Variants in SUFU observed in about 807,000 individuals in gnomAD.
SUFU encodes SUFU negative regulator of hedgehog signaling, also known as suppressor of fused homolog.
A neutral mutation model predicts 58.9 loss-of-function variants in SUFU; 7 were observed. The ratio of observed to expected loss-of-function variants is 0.12; its 90% CI spans 0.07 to 0.22. The LOEUF (loss-of-function observed/expected upper bound fraction) is 0.22. SUFU is among the 10% of genes least tolerant of loss of function. The probability of loss-of-function intolerance (pLI) is 1.00; values close to 1 mark genes in which losing one functional copy is unlikely to be tolerated. For missense variants in SUFU, 451 were observed against 641.3 expected (o/e 0.70, Z 3.20); for synonymous variants, 232 against 254.8 (o/e 0.91, Z 0.85).
intron 3 of SUFU, among the ~76,000 whole-genome samples, chr10:102,551,811 G>A (rs1015077029): frequency 8.9e-5 from 11 of 124,172 alleles, no homozygotes; most frequent in African/African-American, 2.4e-4. Context: ...TACAAGCTCC[G>A]CCTTCTGGGT....
chr10:102,549,166 G>A (rs2062884278), intron 2 of SUFU, among the ~76,000 whole-genome samples: 3 of 152,158 alleles, frequency 2.0e-5, no homozygotes, highest in Admixed American at 2.0e-4. Context: ...TGGAGAAAGG[G>A]TCTCATCCTC....
At chr10:102,615,852 T>TGGTC (rs2063681310) in intron 9 of SUFU, among the ~76,000 whole-genome samples, 2 of 152,174 alleles carry the variant, frequency 1.3e-5, no homozygotes, top group African/African-American at 4.8e-5. Flanking sequence ...AGAGCCCCAC[T>TGGTC]GGTCTCCTAT....
At chr10:102,583,661 C>CT (rs1007305556) in intron 3 of SUFU, among the ~76,000 whole-genome samples, 4 of 152,144 alleles carry the variant, frequency 2.6e-5, no homozygotes, top group Non-Finnish European at 5.9e-5. Context: ...TGTTTCCAGC[C>CT]TAAATAAATC....
At chr10:102,601,474 G>T (rs2063514685) in intron 8 of SUFU, among the ~76,000 whole-genome samples, 1 of 152,160 alleles carries the variant, frequency 6.6e-6, no homozygotes, top group African/African-American at 2.4e-5. Flanking sequence ...GAGGTGCCGG[G>T]GTTGTCTCCC....
chr10:102,545,937 G>A (rs1474470002), intron 2 of SUFU, among the ~76,000 whole-genome samples: 2 of 152,192 alleles, frequency 1.3e-5, no homozygotes, highest in Admixed American at 1.3e-4. Context: ...TCGCACCACT[G>A]CACTCCAGCC....
Position 102,593,606 on chromosome 10 carries a change from A to G in SUFU, c.598-30A>G, listed in dbSNP as rs201050917. On this transcript the variant is annotated intron_variant, in intron 4 of 11. Coordinates refer to ENST00000369902, the MANE Select transcript of SUFU (RefSeq NM_016169.4). ...CTTGGGGTGGGGGGTGGCCATTAACACACAATGGGCTTTCTATCCTGGGCC... is the reference window on the plus strand; with the variant it reads ...CTTGGGGTGGGGGGTGGCCATTAACGCACAATGGGCTTTCTATCCTGGGCC... The G allele has an allele frequency of 2.5e-6, 4 of 1,613,086 alleles. No homozygotes were observed. The African/African-American group carries it at 4.0e-5, about 16-fold the overall frequency.
At chr10:102,612,169 TTGTGTGTGTGTGTGTGTG>T (rs34032732) in intron 8 of SUFU, among the ~76,000 whole-genome samples, 45,571 of 148,268 alleles carry the variant, frequency 0.31, 7,124 homozygotes, top group Admixed American at 0.36. Context: ...AACTGGGTTC[TTGTGTGTGTGTGTGTGTG>T]TGTGTGTGTG....
intron 8 of SUFU, among the ~76,000 whole-genome samples, chr10:102,606,275 T>A (rs2063561872): frequency 1.3e-5 from 2 of 152,192 alleles, no homozygotes; most frequent in Admixed American, 6.5e-5. Context: ...TATAGACAGG[T>A]GGTTAAAGAT....
intron 3 of SUFU, among the ~76,000 whole-genome samples, chr10:102,576,299 C>A (rs1276458437): frequency 6.6e-6 from 1 of 152,048 alleles, no homozygotes; most frequent in Non-Finnish European, 1.5e-5. Flanking sequence ...TCACCTTCTT[C>A]TGGGTACCTA....
chr10:102,583,730 A>T (rs2063307772), intron 3 of SUFU, among the ~76,000 whole-genome samples: 1 of 151,254 alleles, frequency 6.6e-6, no homozygotes, highest in African/African-American at 2.4e-5. Flanking sequence ...TTGTACTTTA[A>T]GTTTTAGGGT....
intron 2 of SUFU, among the ~76,000 whole-genome samples, chr10:102,538,668 A>G (rs2062768118): frequency 6.6e-6 from 1 of 152,280 alleles, no homozygotes; most frequent in South Asian, 2.1e-4. Flanking sequence ...CCCGCTGTCA[A>G]CATCCTTACC....
intron 3 of SUFU, among the ~76,000 whole-genome samples, chr10:102,566,504 G>A (rs1205317441): frequency 6.6e-6 from 1 of 152,002 alleles, no homozygotes; most frequent in Non-Finnish European, 1.5e-5. Context: ...GGTAGCTCAC[G>A]CCTATAATCC....
upstream of SUFU, chr10:102,503,947 C>A: frequency 4.6e-6 from 3 of 657,836 alleles, no homozygotes; most frequent in Non-Finnish European, 7.0e-6. Context: ...CCTTAGCGCC[C>A]CGCCGCCCCG....
intron 2 of SUFU, among the ~76,000 whole-genome samples, chr10:102,548,462 G>A (rs1485834984): frequency 6.6e-6 from 1 of 152,188 alleles, no homozygotes; most frequent in African/African-American, 2.4e-5. Context: ...GGCATTGACT[G>A]CATCATCAGC....
intron 2 of SUFU, among the ~76,000 whole-genome samples, chr10:102,537,996 T>C (rs2062760940): frequency 6.6e-6 from 1 of 152,222 alleles, no homozygotes; most frequent in African/African-American, 2.4e-5. Flanking sequence ...ATAGCAGCTG[T>C]ATCATCTTAC....
intron 8 of SUFU, among the ~76,000 whole-genome samples, chr10:102,606,511 C>G (rs1420315489): frequency 6.6e-6 from 1 of 152,162 alleles, no homozygotes; most frequent in Non-Finnish European, 1.5e-5. Context: ...TATCTAGCAT[C>G]AGACTGCAGG....
intron 2 of SUFU, among the ~76,000 whole-genome samples, chr10:102,514,133 T>C (rs4919651): frequency 1 from 151,970 of 152,242 alleles, 75,849 homozygotes; most frequent in South Asian, 1. Context: ...GCAATCCTCC[T>C]GCCTTGGCCT....
chr10:102,559,938 C>T (rs1214266956), intron 3 of SUFU, among the ~76,000 whole-genome samples: 1 of 152,210 alleles, frequency 6.6e-6, no homozygotes, highest in Non-Finnish European at 1.5e-5. Flanking sequence ...AACCTCATGA[C>T]ATGTGCTCAG....
chr10:102,514,681 A>G (rs1042997212), intron 2 of SUFU, among the ~76,000 whole-genome samples: 4 of 152,218 alleles, frequency 2.6e-5, no homozygotes, highest in African/African-American at 9.6e-5. Flanking sequence ...CGGAGCTTGC[A>G]GCTCTGGCCT....
Sources: gnomAD v4.1 joint callset for allele counts (sites outside exome capture counted in the v4.1 genomes callset) on GRCh38, gnomAD v4.1.1 for gene constraint, MANE v1.5 for transcripts, NCBI Gene and HGNC (gene_info 2026-07-23, HGNC 2026-07-21) for gene names.